FGGY: variants seen among roughly 807,000 people sequenced by gnomAD.
FGGY encodes the protein FGGY carbohydrate kinase domain containing.
In FGGY, 72 loss-of-function variants were observed where a neutral mutation model predicts 71.3. The observed-to-expected ratio is 1.01, with a 90% CI of 0.84 to 1.23. The LOEUF (loss-of-function observed/expected upper bound fraction) is 1.23. Ranked by LOEUF, FGGY falls within the 50% of genes most tolerant of loss-of-function variation. The probability of loss-of-function intolerance (pLI) is 0.00; values close to 1 mark genes in which losing one functional copy is unlikely to be tolerated. For missense variants in FGGY, 668 were observed against 682.3 expected (o/e 0.98, Z 0.23); for synonymous variants, 251 against 250.3 (o/e 1.00, Z -0.02).
intron 12 of FGGY, among the ~76,000 whole-genome samples, chr1:59,664,751 A>G (rs1022885383): frequency 3.3e-5 from 5 of 152,236 alleles, no homozygotes; most frequent in African/African-American, 1.2e-4. Context: ...CTCTCCTTGT[A>G]TGCACCTTTC....
chr1:59,610,354 T>C (rs2096662860), intron 9 of FGGY, among the ~76,000 whole-genome samples: 1 of 152,188 alleles, frequency 6.6e-6, no homozygotes, highest in African/African-American at 2.4e-5. Context: ...TGTTCCTGTG[T>C]TAGTTTGCTG....
At chr1:59,405,741 C>T (rs984876141) in intron 5 of FGGY, among the ~76,000 whole-genome samples, 2 of 152,144 alleles carry the variant, frequency 1.3e-5, no homozygotes, top group Non-Finnish European at 2.9e-5. Context: ...CGACCTTAGT[C>T]ATTTGCCCCA....
chr1:59,623,138 A>G (rs1318174904), intron 9 of FGGY, among the ~76,000 whole-genome samples: 1 of 152,174 alleles, frequency 6.6e-6, no homozygotes, highest in Non-Finnish European at 1.5e-5. Flanking sequence ...TCTGTGCCTT[A>G]TATTCCCATT....
At chr1:59,387,179 A>G (rs759074789) in intron 5 of FGGY, among the ~76,000 whole-genome samples, 6 of 152,238 alleles carry the variant, frequency 3.9e-5, no homozygotes, top group Non-Finnish European at 7.4e-5. Flanking sequence ...TCTAAATACA[A>G]TTCATAGGAT....
intron 5 of FGGY, among the ~76,000 whole-genome samples, chr1:59,451,975 A>G (rs963856719): frequency 4.1e-4 from 63 of 152,188 alleles, no homozygotes; most frequent in African/African-American, 1.5e-3. Flanking sequence ...TCCTGGACTT[A>G]ATGAGACTTT....
At chr1:59,626,146 A>G in intron 10 of FGGY, 97 bp downstream of exon 10, 1 of 926,658 alleles carries the variant, frequency 1.1e-6, no homozygotes, top group Admixed American at 2.1e-5. Flanking sequence ...TCCTACAGAC[A>G]ATGAAAATGC....
intron 5 of FGGY, among the ~76,000 whole-genome samples, chr1:59,381,269 A>G (rs1370947467): frequency 1.3e-5 from 2 of 152,316 alleles, no homozygotes; most frequent in Middle Eastern, 6.8e-3. Flanking sequence ...TGTCTTGGCA[A>G]TGTGGGCTCG....
intron 5 of FGGY, among the ~76,000 whole-genome samples, chr1:59,380,039 T>C (rs1025670377): frequency 1.3e-5 from 2 of 152,100 alleles, no homozygotes; most frequent in African/African-American, 4.8e-5. Context: ...AGTGAGAACA[T>C]GCAGTGTCTG....
At chr1:59,602,129 AT>A (rs2096584183) in intron 8 of FGGY, among the ~76,000 whole-genome samples, 1 of 152,210 alleles carries the variant, frequency 6.6e-6, no homozygotes, top group East Asian at 1.9e-4. Context: ...GAGATATTAA[AT>A]ATTTCTAGTC....
intron 6 of FGGY, among the ~76,000 whole-genome samples, chr1:59,506,979 C>T (rs1319381343): frequency 6.6e-6 from 1 of 152,176 alleles, no homozygotes; most frequent in Non-Finnish European, 1.5e-5. Context: ...GTTGTTCTTA[C>T]AGCTGTTAAA....
chr1:59,685,465 CTAAA>C (rs1057084831), intron 14 of FGGY, among the ~76,000 whole-genome samples: 1 of 151,750 alleles, frequency 6.6e-6, no homozygotes, highest in African/African-American at 2.4e-5. Context: ...CAATAAGTGA[CTAAA>C]TAGTTACTGG....
chr1:59,679,316 T>C (rs571079691), intron 14 of FGGY, among the ~76,000 whole-genome samples: 117 of 152,330 alleles, frequency 7.7e-4, no homozygotes, highest in African/African-American at 2.7e-3. Flanking sequence ...TCTGTGATTT[T>C]TTTTTTTAGC....
intron 6 of FGGY, among the ~76,000 whole-genome samples, chr1:59,476,009 C>A (rs1297804557): frequency 1.3e-5 from 2 of 152,216 alleles, no homozygotes; most frequent in Non-Finnish European, 2.9e-5. Context: ...TACCATGCCC[C>A]CACGTAGTCA....
intron 5 of FGGY, among the ~76,000 whole-genome samples, chr1:59,433,419 A>G (rs2067787589): frequency 6.6e-6 from 1 of 152,132 alleles, no homozygotes; most frequent in African/African-American, 2.4e-5. Flanking sequence ...CTCAAAGATG[A>G]TGATGTATTT....
chr1:59,346,342 G>A lies in FGGY; in HGVS notation c.409G>A (p.Val137Ile), dbSNP rs565169601. 1.5e-5 allele frequency: 24 copies of A among 1,611,994 alleles called. No individual in the cohort carries two copies. Among genetic ancestry groups the A allele is most frequent in the South Asian group, 6.6e-5 (6 of 91,002 alleles). The change falls in exon 4 of 16, where the codon GTC (valine) becomes ATC (isoleucine). Residue 137 changes from valine to isoleucine, a missense_variant. By Grantham distance (29) the Val-to-Ile change is conservative. This residue lies in a region of FGGY where 661 missense variants were observed against 661.6 expected (regional missense o/e 1.00). Transcript: ENST00000303721. ...GACCAAGCACAGTGTCCTCCAGTACGTCGGGGGGGTGATGTCTGTGGAAAT... is the reference window on the plus strand; with the variant it reads ...GACCAAGCACAGTGTCCTCCAGTACATCGGGGGGGTGATGTCTGTGGAAAT... Reference protein sequence around the residue: ...NETKHSVLQYVGGVMSVEMQA... With the variant: ...NETKHSVLQYIGGVMSVEMQA...
At chr1:59,364,416 G>A (rs1343748508) in intron 4 of FGGY, among the ~76,000 whole-genome samples, 1 of 152,198 alleles carries the variant, frequency 6.6e-6, no homozygotes, top group Non-Finnish European at 1.5e-5. Flanking sequence ...AATGAAAAAA[G>A]AGAAACTGGG....
chr1:59,368,815 G>A (rs912429870), intron 4 of FGGY, among the ~76,000 whole-genome samples: 4 of 152,112 alleles, frequency 2.6e-5, no homozygotes, highest in Non-Finnish European at 5.9e-5. Flanking sequence ...CATGTGGCTG[G>A]GCATGGTGGC....
In FGGY at chr1:59,317,511, T is replaced by C. The variant is rs183280161; in HGVS notation, c.-14-4025T>C. ...TAATGCTTTCCACTTTACAGTTACT[T>C]TACTTTTTGAGGCCAAGGGGTACTG... On this transcript the variant is annotated intron_variant, in intron 1 of 15. Coordinates refer to ENST00000303721, the MANE Select transcript of FGGY (RefSeq NM_018291.5). Among the ~76,000 whole-genome samples the C allele has an allele frequency of 2.8e-3, 422 of 152,304 alleles. 4 individuals carry two copies. The highest frequency in any genetic ancestry group is 9.2e-3 in the African/African-American group (384 of 41,574).
intron 2 of FGGY, among the ~76,000 whole-genome samples, chr1:59,324,155 TGTG>T (rs1439414629): frequency 6.6e-6 from 1 of 152,076 alleles, no homozygotes; most frequent in African/African-American, 2.4e-5. Flanking sequence ...GTAAGGATAA[TGTG>T]GTGTCAATGA....
Sources: allele counts gnomAD v4.1 joint callset (sites outside exome capture counted in the v4.1 genomes callset), GRCh38; gene constraint gnomAD v4.1.1; regional missense constraint gnomAD v4.1.1; transcripts MANE v1.5; gene names NCBI Gene and HGNC (gene_info 2026-07-23, HGNC 2026-07-21).